Variants in GRIK4 observed in about 807,000 individuals in gnomAD.
The protein encoded by GRIK4 is glutamate receptor ionotropic, kainate 4.
A neutral mutation model predicts 104.9 loss-of-function variants in GRIK4; 40 were observed. That is an observed-to-expected ratio of 0.38 (90% confidence interval 0.30 to 0.50). GRIK4 has a LOEUF of 0.50. GRIK4 is among the 20% of genes least tolerant of loss of function. The pLI is 0.93. For synonymous variants in GRIK4, 485 were observed against 524.9 expected (o/e 0.92, Z 1.04); for missense variants, 1,047 against 1,308.1 (o/e 0.80, Z 3.08).
chr11:120,867,813 A>G (rs1954466814), intron 9 of GRIK4: 2 of 152,084 alleles, frequency 1.3e-5, no homozygotes, highest in African/African-American at 4.8e-5. Context: ...AAATGGAGAC[A>G]CACACCCGCT....
At chr11:120,808,930 G>A (rs1952771082) in intron 4 of GRIK4, among the ~76,000 whole-genome samples, 1 of 152,138 alleles carries the variant, frequency 6.6e-6, no homozygotes, top group African/African-American at 2.4e-5. Context: ...TTTGCCATCT[G>A]GGCCCAGAGA....
At chr11:120,745,147 T>C (rs2030405316) in intron 3 of GRIK4, among the ~76,000 whole-genome samples, 1 of 152,170 alleles carries the variant, frequency 6.6e-6, no homozygotes, top group South Asian at 2.1e-4. Flanking sequence ...CCAGTTTTCA[T>C]CCTGGTCACA....
intron 3 of GRIK4, among the ~76,000 whole-genome samples, chr11:120,708,963 C>G (rs1473272316): frequency 6.6e-6 from 1 of 152,148 alleles, no homozygotes; most frequent in African/African-American, 2.4e-5. Flanking sequence ...TAACCTTTAC[C>G]TGGTCTGGCC....
chr11:120,676,036 T>C (rs1185331218), intron 3 of GRIK4, among the ~76,000 whole-genome samples: 3 of 152,100 alleles, frequency 2.0e-5, no homozygotes, highest in Non-Finnish European at 4.4e-5. Flanking sequence ...ACCTGCTCAT[T>C]TGGGTTGTGG....
intron 3 of GRIK4, among the ~76,000 whole-genome samples, chr11:120,689,622 C>T (rs1438367261): frequency 6.6e-6 from 1 of 152,104 alleles, no homozygotes; most frequent in Non-Finnish European, 1.5e-5. Flanking sequence ...CCTTTCCTGC[C>T]ATCTTCACCT....
At chr11:120,605,824 A>G (rs1216452871) in intron 1 of GRIK4, among the ~76,000 whole-genome samples, 1 of 152,222 alleles carries the variant, frequency 6.6e-6, no homozygotes, top group Non-Finnish European at 1.5e-5. Flanking sequence ...GCTTAAATGG[A>G]ATTCCAAAGG....
rs1953135805 is a variant in GRIK4 at position 120,821,889 on chromosome 11, C to T, written c.511+1969C>T. Among the ~76,000 whole-genome samples the T allele has an allele frequency of 2.6e-5, 4 of 152,164 alleles. No homozygotes were observed. The South Asian group carries it at 8.3e-4, about 32-fold the overall frequency. On this transcript the variant is annotated intron_variant, in intron 6 of 20. Coordinates refer to ENST00000527524, the MANE Select transcript of GRIK4 (RefSeq NM_014619.5). ...AAGATGAAGCAGACTTGATGGAAAA[C>T]TAAGCAGGGTCGATGGTCATGAAGC...
intron 3 of GRIK4, among the ~76,000 whole-genome samples, chr11:120,678,556 G>A (rs1387775385): frequency 6.6e-6 from 1 of 152,060 alleles, no homozygotes; most frequent in Non-Finnish European, 1.5e-5. Flanking sequence ...AAGGGAAGGG[G>A]CCAAAATAGA....
At chr11:120,840,942 G>A (rs539367949) in intron 8 of GRIK4, among the ~76,000 whole-genome samples, 1 of 152,176 alleles carries the variant, frequency 6.6e-6, no homozygotes, top group South Asian at 2.1e-4. Context: ...TTCTCAGTGA[G>A]TTTGCCTATT....
At chr11:120,798,605 C>G (rs919377007) in intron 3 of GRIK4, among the ~76,000 whole-genome samples, 2 of 152,114 alleles carry the variant, frequency 1.3e-5, no homozygotes, top group African/African-American at 4.8e-5. Flanking sequence ...TCATCCTCCC[C>G]AGTAGCTGGG....
chr11:120,728,061 T>C (rs953446924), intron 3 of GRIK4, among the ~76,000 whole-genome samples: 1 of 152,112 alleles, frequency 6.6e-6, no homozygotes, highest in African/African-American at 2.4e-5. Flanking sequence ...TAAACTTGTA[T>C]ATTGAAAGAG....
chr11:120,658,096 T>C (rs936507857), intron 2 of GRIK4, among the ~76,000 whole-genome samples: 3 of 152,206 alleles, frequency 2.0e-5, no homozygotes, highest in African/African-American at 7.2e-5. Context: ...TTGTAATCTT[T>C]TTACACTTTA....
At chr11:120,540,822 T>C (rs910511884) in intron 1 of GRIK4, among the ~76,000 whole-genome samples, 4 of 151,866 alleles carry the variant, frequency 2.6e-5, no homozygotes, top group Admixed American at 6.6e-5. Context: ...TCAAAAAATA[T>C]CAAGAACAGC....
At chr11:120,595,813 A>G (rs1250231728) in intron 1 of GRIK4, among the ~76,000 whole-genome samples, 1 of 152,178 alleles carries the variant, frequency 6.6e-6, no homozygotes, top group Admixed American at 6.5e-5. Context: ...AGCACCTCCC[A>G]GTCTGCACTG....
intron 1 of GRIK4, among the ~76,000 whole-genome samples, chr11:120,557,005 C>T (rs963086274): frequency 6.6e-6 from 1 of 152,156 alleles, no homozygotes; most frequent in African/African-American, 2.4e-5. Context: ...CTGAGCTGAC[C>T]CGTCCAGTCT....
chr11:120,876,972 C>T (rs930981305), intron 11 of GRIK4, among the ~76,000 whole-genome samples: 1 of 152,274 alleles, frequency 6.6e-6, no homozygotes, highest in Admixed American at 6.5e-5. Context: ...TCCGATCAGC[C>T]CTCCTTAGAG....
chr11:120,876,237 T>TACCACCACCACCACCATTACC (rs1565409907), intron 11 of GRIK4, among the ~76,000 whole-genome samples: 4 of 104,688 alleles, frequency 3.8e-5, no homozygotes, highest in Admixed American at 3.7e-4. Flanking sequence ...CCACGATTAC[T>TACCACCACCACCACCATTACC]ACCACCACCA....
intron 3 of GRIK4, among the ~76,000 whole-genome samples, chr11:120,731,679 G>A (rs1275413486): frequency 6.6e-6 from 1 of 152,122 alleles, no homozygotes. Flanking sequence ...CAGCAGTAAA[G>A]CTATCAGGTC....
chr11:120,528,127 C>CTATTTTT (rs367712271), intron 1 of GRIK4, among the ~76,000 whole-genome samples: 141 of 152,296 alleles, frequency 9.3e-4, no homozygotes, highest in Non-Finnish European at 1.4e-3. Context: ...CAATGCTCAG[C>CTATTTTT]TATTTTTTAT....
Sources: allele counts gnomAD v4.1 joint callset (sites outside exome capture counted in the v4.1 genomes callset), GRCh38; gene constraint gnomAD v4.1.1; transcripts MANE v1.5; gene names NCBI Gene and HGNC (gene_info 2026-07-23, HGNC 2026-07-21).